Variants in TIA1 observed in about 807,000 individuals in gnomAD.
TIA1 encodes TIA1 cytotoxic granule associated RNA binding protein.
A neutral mutation model predicts 65.9 loss-of-function variants in TIA1; 23 were observed. That is an observed-to-expected ratio of 0.35 (90% confidence interval 0.25 to 0.49). The LOEUF is 0.49. Ranked by LOEUF, TIA1 falls within the 20% of genes least tolerant of loss-of-function variation. TIA1 has a pLI of 0.98. For synonymous variants in TIA1, 147 were observed against 149.4 expected, an observed-to-expected ratio of 0.98 and a Z score of 0.12; for missense variants, 371 against 477.9, an observed-to-expected ratio of 0.78 and a Z score of 2.09.
intron 10 of TIA1, 129 bp from the exon 11 acceptor site, chr2:70,215,623 A>T: frequency 2.3e-6 from 2 of 859,992 alleles, no homozygotes; most frequent in Non-Finnish European, 3.4e-6. Flanking sequence ...TTTCTTTGCT[A>T]TTTTTTTCAA....
rs945511559 is a variant in TIA1 at position 70,220,039 on chromosome 2, G to T, written c.475-3045C>A. Among the ~76,000 whole-genome samples, 6 of 152,128 alleles carry T rather than the reference G, an allele frequency of 3.9e-5. No individual in the cohort carries two copies. In the East Asian group the frequency reaches 9.6e-4, roughly 24 times the overall value. On this transcript the variant is annotated intron_variant, in intron 7 of 12. Transcript: ENST00000433529. The stretch of plus-strand genomic sequence containing the variant: ...AAATATGGCCTTATTTGGAAACAGG[G>T]TCTTTGCCGAAGTAATTAAGATGAG...
chr2:70,221,567 T>C (rs1215843663), intron 7 of TIA1, among the ~76,000 whole-genome samples: 1 of 152,044 alleles, frequency 6.6e-6, no homozygotes, highest in East Asian at 1.9e-4. Context: ...AACAGCACAT[T>C]ATGATTCCAT....
chr2:70,221,604 AT>A lies in TIA1; in HGVS notation c.474+2949del, dbSNP rs1233465787. Among the ~76,000 whole-genome samples the A allele has an allele frequency of 5.9e-5, 9 of 152,310 alleles. No homozygotes were observed. The East Asian group carries it at 1.3e-3, about 23-fold the overall frequency. On this transcript the variant is annotated intron_variant, in intron 7 of 12. Transcript: ENST00000433529. ...TATAGGAAATGTTGAGAACAGGGAAATCTACAGAGACAGAAAGTAGATTGAC... is the reference window on the plus strand; with the variant it reads ...TATAGGAAATGTTGAGAACAGGGAAACTACAGAGACAGAAAGTAGATTGAC...
chr2:70,247,678 G>A (rs1176059458), intron 1 of TIA1, among the ~76,000 whole-genome samples: 6 of 152,098 alleles, frequency 3.9e-5, no homozygotes, highest in African/African-American at 7.2e-5. Context: ...CAGCCCGCTC[G>A]TTCAACACCA....
chr2:70,226,843 T>G (rs994534197), intron 6 of TIA1, among the ~76,000 whole-genome samples: 1 of 152,120 alleles, frequency 6.6e-6, no homozygotes, highest in Non-Finnish European at 1.5e-5. Context: ...ACCTTTAAAG[T>G]TGGTAATTCC....
At chr2:70,217,108 T>G (rs1678933682) in intron 7 of TIA1, 114 bp from the exon 8 acceptor site, 1 of 1,010,540 alleles carries the variant, frequency 9.9e-7, no homozygotes, top group African/African-American at 1.6e-5. Flanking sequence ...GAAAATGCTC[T>G]ATGAAATACA....
chr2:70,239,162 G>C (rs1020859580), intron 1 of TIA1, among the ~76,000 whole-genome samples: 1 of 151,990 alleles, frequency 6.6e-6, no homozygotes, highest in Non-Finnish European at 1.5e-5. Flanking sequence ...GCGTGATCTC[G>C]GCTCACTGCA....
At position 70,229,311 on chromosome 2, in the gene TIA1, T is replaced by A; in HGVS notation, c.230A>T (p.Lys77Ile). 1.9e-6 allele frequency: 3 copies of A among 1,607,654 alleles called. 1 individual carries two copies. Among genetic ancestry groups the A allele is most frequent in the Non-Finnish European group, 2.5e-6 (3 of 1,178,542 alleles). The change falls in exon 4 of 13, where the codon AAA becomes ATA. Residue 77 changes from lysine (K) to isoleucine (I), a missense_variant. Coordinates refer to ENST00000433529, the MANE Select transcript of TIA1 (RefSeq NM_022173.4). ...NGRKIMGKEV[K>I]VNWATTPSSQ... The stretch of plus-strand genomic sequence containing the variant: ...GCTAGGGGTTGTTGCCCAATTCACT[T>A]TGACTTCCTAAAAAAAAAAAATTTC...
chr2:70,224,760 A>G, intron 6 of TIA1, 131 bp from the exon 7 acceptor site: 2 of 1,426,656 alleles, frequency 1.4e-6, no homozygotes, highest in Admixed American at 5.7e-5. Context: ...TTCACCTTTT[A>G]TTCTACAAAA....
chr2:70,237,681 C>T (rs1689601742), intron 1 of TIA1, among the ~76,000 whole-genome samples: 1 of 151,232 alleles, frequency 6.6e-6, no homozygotes, highest in African/African-American at 2.4e-5. Flanking sequence ...CTGGCCAACA[C>T]AGTGAAACCC....
intron 5 of TIA1, chr2:70,228,463 C>A: frequency 1.6e-6 from 2 of 1,275,304 alleles, no homozygotes; most frequent in South Asian, 2.5e-5. Flanking sequence ...TGAACTAAGA[C>A]TGAAGGCAAC....
chr2:70,235,237 GA>G (rs1424401036), intron 2 of TIA1, among the ~76,000 whole-genome samples: 1 of 152,266 alleles, frequency 6.6e-6, no homozygotes, highest in East Asian at 1.9e-4. Flanking sequence ...CCAACATGGA[GA>G]AACCCCATCT....
chr2:70,233,829 CTTAA>C (rs1687618657), intron 2 of TIA1, among the ~76,000 whole-genome samples: 1 of 151,646 alleles, frequency 6.6e-6, no homozygotes, highest in Admixed American at 6.6e-5. Flanking sequence ...ATATGCTTTA[CTTAA>C]TTTATATGCA....
In TIA1 at chr2:70,248,591, C is replaced by G. The variant is rs779005648; in HGVS notation, c.-161G>C. 4 of 1,009,546 alleles carry G rather than the reference C, an allele frequency of 4.0e-6. No individual in the cohort carries two copies. The South Asian group carries it at 5.5e-5, about 14-fold the overall frequency. The allele number at this position is 1,009,546 out of a possible 1,614,324, so 62.5% of individuals were successfully genotyped here. ...CGGCAATTACACTAAACCGCCCGGC[C>G]CAGCGGGAACAATGAAACCCCAATA... On this transcript the variant is annotated 5_prime_UTR_variant, in exon 1 of 13. Transcript: ENST00000433529.
At chr2:70,225,269 G>A in intron 6 of TIA1, 1 of 1,222,098 alleles carries the variant, frequency 8.2e-7, no homozygotes, top group Non-Finnish European at 1.0e-6. Flanking sequence ...AAATTGATTG[G>A]AACTACAAGA....
intron 2 of TIA1, among the ~76,000 whole-genome samples, chr2:70,235,876 G>C (rs183871892): frequency 1.3e-5 from 2 of 152,092 alleles, no homozygotes; most frequent in African/African-American, 4.8e-5. Flanking sequence ...ATTAAATTCA[G>C]CTGTCAAAAC....
intron 1 of TIA1, among the ~76,000 whole-genome samples, chr2:70,238,058 G>C (rs1010590424): frequency 2.0e-5 from 3 of 151,298 alleles, no homozygotes; most frequent in African/African-American, 7.3e-5. Flanking sequence ...CTACTCGGGA[G>C]GCTGAGGCAG....
intron 5 of TIA1, chr2:70,228,590 C>CT: frequency 9.1e-7 from 1 of 1,104,004 alleles, no homozygotes; most frequent in Non-Finnish European, 1.1e-6. Flanking sequence ...AAAAGAAACA[C>CT]TTTAAAAATG....
intron 2 of TIA1, among the ~76,000 whole-genome samples, chr2:70,231,281 GA>G (rs1342471158): frequency 3.3e-5 from 5 of 151,844 alleles, no homozygotes; most frequent in African/African-American, 1.2e-4. Flanking sequence ...CAGCCTGGGC[GA>G]CAGAGCAAGA....
Sources: allele counts gnomAD v4.1 joint callset (sites outside exome capture counted in the v4.1 genomes callset), GRCh38; gene constraint gnomAD v4.1.1; transcripts MANE v1.5; gene names NCBI Gene and HGNC (gene_info 2026-07-23, HGNC 2026-07-21).